ARHGEF26: variants seen among roughly 807,000 people sequenced by gnomAD.
ARHGEF26 encodes the protein Rho guanine nucleotide exchange factor (GEF) 26.
A neutral mutation model predicts 89.4 loss-of-function variants in ARHGEF26; 59 were observed. The ratio of observed to expected loss-of-function variants is 0.66; its 90% CI spans 0.54 to 0.82. The LOEUF is 0.82. ARHGEF26 is among the 40% of genes least tolerant of loss of function. The probability of loss-of-function intolerance (pLI) is 0.00; values close to 1 mark genes in which losing one functional copy is unlikely to be tolerated. For missense variants in ARHGEF26, 1,234 were observed against 1,085.6 expected, an observed-to-expected ratio of 1.14 and a Z score of -1.92; for synonymous variants, 500 against 428.4, an observed-to-expected ratio of 1.17 and a Z score of -2.06.
At chr3:154,228,629 A>G (rs1559913887) in intron 11 of ARHGEF26, among the ~76,000 whole-genome samples, 1 of 151,900 alleles carries the variant, frequency 6.6e-6, no homozygotes, top group Non-Finnish European at 1.5e-5. Flanking sequence ...CTAATTGTTT[A>G]TGACCTGAAT....
intron 6 of ARHGEF26, among the ~76,000 whole-genome samples, chr3:154,182,929 A>G (rs916841854): frequency 6.6e-6 from 1 of 152,250 alleles, no homozygotes; most frequent in Non-Finnish European, 1.5e-5. Context: ...TAAAGCAACC[A>G]CAAAAGACCT....
chr3:154,163,104 A>G lies in ARHGEF26; in HGVS notation c.1487+10172A>G, dbSNP rs552642001. Among the ~76,000 whole-genome samples, 11 of 152,292 alleles carry G rather than the reference A, an allele frequency of 7.2e-5. No homozygotes were observed. The East Asian group carries it at 2.1e-3, about 29-fold the overall frequency. ...GTTTTTACTTCTCTTTCTTAAATGT[A>G]TATCTAGCTTACATTTATTTCAGTG... On this transcript the variant is annotated intron_variant, in intron 6 of 14. Transcript: ENST00000465093.
At chr3:154,199,455 C>G (rs183063851) in intron 9 of ARHGEF26, among the ~76,000 whole-genome samples, 31 of 152,152 alleles carry the variant, frequency 2.0e-4, no homozygotes, top group African/African-American at 6.3e-4. Flanking sequence ...TTTCTTCATT[C>G]TTTCATCTAC....
In ARHGEF26 at chr3:154,196,593, G is replaced by A. The variant is rs577553416; in HGVS notation, c.1845+1875G>A. ...AGTTGTTTATTTTTCTAACATTTTTGTAGTAAAAGTAAGTGTATCTGTGAG... is the reference window on the plus strand; with the variant it reads ...AGTTGTTTATTTTTCTAACATTTTTATAGTAAAAGTAAGTGTATCTGTGAG... On this transcript the variant is annotated intron_variant, in intron 9 of 14. Coordinates refer to ENST00000465093, the MANE Select transcript of ARHGEF26 (RefSeq NM_015595.4). 7.2e-5 allele frequency among the ~76,000 whole-genome samples: 11 copies of A among 152,164 alleles called. No homozygotes were observed. The East Asian group carries it at 2.1e-3, about 29-fold the overall frequency.
At chr3:154,250,718 A>C (rs1388963560) in intron 12 of ARHGEF26, among the ~76,000 whole-genome samples, 1 of 152,192 alleles carries the variant, frequency 6.6e-6, no homozygotes, top group African/African-American at 2.4e-5. Context: ...TCAGTATGGC[A>C]TAGAGAGACA....
chr3:154,134,697 A>T (rs981596017), intron 4 of ARHGEF26, among the ~76,000 whole-genome samples: 5 of 151,696 alleles, frequency 3.3e-5, no homozygotes, highest in Non-Finnish European at 7.4e-5. Context: ...ATTTAGTATG[A>T]TGTTGGTGAT....
chr3:154,245,057 T>G (rs1167240402), intron 12 of ARHGEF26, among the ~76,000 whole-genome samples: 1 of 152,234 alleles, frequency 6.6e-6, no homozygotes, highest in Non-Finnish European at 1.5e-5. Context: ...AGACAGAGTT[T>G]CACTCTGTCG....
chr3:154,211,071 T>C (rs1476968165), intron 9 of ARHGEF26, among the ~76,000 whole-genome samples: 2 of 151,744 alleles, frequency 1.3e-5, no homozygotes, highest in Non-Finnish European at 2.9e-5. Flanking sequence ...TCCCATTTTT[T>C]CCTCTCGTCT....
At chr3:154,234,524 G>C (rs149824932) in intron 11 of ARHGEF26, among the ~76,000 whole-genome samples, 3 of 152,244 alleles carry the variant, frequency 2.0e-5, no homozygotes, top group African/African-American at 7.2e-5. Context: ...TAAGGAGTGA[G>C]ATTGGGATCA....
intron 11 of ARHGEF26, among the ~76,000 whole-genome samples, chr3:154,226,696 C>CACACACACA (rs3223632): frequency 4.1e-5 from 6 of 145,588 alleles, no homozygotes; most frequent in Admixed American, 1.4e-4. Context: ...CACACACACA[C>CACACACACA]CCCTTCAGCT....
intron 6 of ARHGEF26, among the ~76,000 whole-genome samples, chr3:154,177,998 G>A (rs1349733276): frequency 6.6e-6 from 1 of 152,124 alleles, no homozygotes; most frequent in Non-Finnish European, 1.5e-5. Context: ...GAGATGTGGA[G>A]TTCGAGACCA....
chr3:154,205,338 T>A (rs1238776714), intron 9 of ARHGEF26, among the ~76,000 whole-genome samples: 2 of 152,102 alleles, frequency 1.3e-5, no homozygotes, highest in Admixed American at 6.6e-5. Context: ...TTTTTTTTTG[T>A]TTTGGTTTCC....
chr3:154,206,732 T>TA (rs2108223376), intron 9 of ARHGEF26, among the ~76,000 whole-genome samples: 1 of 152,238 alleles, frequency 6.6e-6, no homozygotes, highest in Non-Finnish European at 1.5e-5. Context: ...AAACTGCCAT[T>TA]ACATTCTTCA....
chr3:154,212,605 G>T (rs1715445807), intron 9 of ARHGEF26, among the ~76,000 whole-genome samples: 1 of 150,822 alleles, frequency 6.6e-6, no homozygotes, highest in Non-Finnish European at 1.5e-5. Context: ...GTGGGGGGCT[G>T]GGGGGTAGGT....
chr3:154,202,621 T>C (rs1714720473), intron 9 of ARHGEF26, among the ~76,000 whole-genome samples: 1 of 152,228 alleles, frequency 6.6e-6, no homozygotes, highest in Non-Finnish European at 1.5e-5. Context: ...ATATTGATTC[T>C]TCCTACCCAT....
At chr3:154,196,473 A>G (rs1387255853) in intron 9 of ARHGEF26, among the ~76,000 whole-genome samples, 4 of 152,298 alleles carry the variant, frequency 2.6e-5, no homozygotes, top group South Asian at 2.1e-4. Flanking sequence ...CCACTTTGCT[A>G]TGAAGTACTG....
intron 3 of ARHGEF26, among the ~76,000 whole-genome samples, chr3:154,126,516 C>T (rs1342663188): frequency 1.3e-5 from 2 of 152,156 alleles, no homozygotes; most frequent in African/African-American, 4.8e-5. Flanking sequence ...TTCTTAGTCT[C>T]CTAGGTAGTC....
intron 6 of ARHGEF26, among the ~76,000 whole-genome samples, chr3:154,170,835 T>C (rs555842282): frequency 1.2e-4 from 19 of 152,202 alleles, no homozygotes; most frequent in Non-Finnish European, 1.8e-4. Flanking sequence ...TCAAAAGATA[T>C]CCCAATTTGG....
chr3:154,128,003 C>A (rs1427784628), intron 3 of ARHGEF26, among the ~76,000 whole-genome samples: 1 of 152,130 alleles, frequency 6.6e-6, no homozygotes, highest in Non-Finnish European at 1.5e-5. Flanking sequence ...AGCTTCTCAG[C>A]TTTCAGACCT....
Sources: gnomAD v4.1 joint callset for allele counts (sites outside exome capture counted in the v4.1 genomes callset) on GRCh38, gnomAD v4.1.1 for gene constraint, MANE v1.5 for transcripts, NCBI Gene and HGNC (gene_info 2026-07-23, HGNC 2026-07-21) for gene names.